PAK6: variants seen among roughly 807,000 people sequenced by gnomAD.
The protein encoded by PAK6 is serine/threonine-protein kinase PAK 6.
PAK6 carries 33 observed loss-of-function variants against 60.8 expected under a neutral mutation model. That is an observed-to-expected ratio of 0.54 (90% CI 0.41 to 0.73). PAK6 has a LOEUF of 0.73. Ranked by LOEUF, PAK6 falls within the 30% of genes least tolerant of loss-of-function variation. The pLI, the probability that PAK6 is intolerant of heterozygous loss-of-function variation, is 0.00. For missense variants in PAK6, 845 were observed against 904.1 expected, an observed-to-expected ratio of 0.93 and a Z score of 0.84; for synonymous variants, 404 against 378.5, an observed-to-expected ratio of 1.07 and a Z score of -0.78.
intron 3 of PAK6, chr15:40,263,652 T>C: frequency 3.4e-6 from 1 of 297,514 alleles, no homozygotes; most frequent in South Asian, 3.0e-5. Flanking sequence ...TCTCATTCTG[T>C]TGCCCAGGCT....
At chr15:40,241,248 A>G (rs2038321278) in intron 2 of PAK6, among the ~76,000 whole-genome samples, 1 of 152,132 alleles carries the variant, frequency 6.6e-6, no homozygotes, top group African/African-American at 2.4e-5. Context: ...TCGGGTTTAT[A>G]AAGCACTGGG....
At chr15:40,253,535 G>A (rs890058465) in intron 3 of PAK6, among the ~76,000 whole-genome samples, 5 of 152,250 alleles carry the variant, frequency 3.3e-5, no homozygotes, top group African/African-American at 1.2e-4. Context: ...CAAATGGCCC[G>A]CCCTGCCCCC....
exon 11 of PAK6, chr15:40,277,292 C>G (rs552017670): frequency 7.2e-5 from 11 of 152,566 alleles, no homozygotes; most frequent in Admixed American, 3.3e-4. Context: ...GAAAGAACTT[C>G]AGGTGTCTGG....
At chr15:40,264,946 T>G in exon 4 of PAK6, 1 of 1,613,686 alleles carries the variant, frequency 6.2e-7, no homozygotes. Context: ...AAGCCCGTGG[T>G]GGACCCTTCG....
rs748276269 is a variant in PAK6 at position 40,253,897 on chromosome 15, G to A, written c.-6+608G>A. Among the ~76,000 whole-genome samples the A allele has an allele frequency of 4.9e-4, 75 of 152,126 alleles. 1 individual carries two copies. The highest frequency in any genetic ancestry group is 1.9e-3 in the South Asian group (9 of 4,822). On this transcript the variant is annotated intron_variant, in intron 3 of 10. Coordinates refer to ENST00000560346, the Ensembl canonical transcript of PAK6. ...TGCCCCATTCTGGTGGTTTTTTGGG[G>A]GCTTTTCTGACTTGTTTTTCTGGGT...
At chr15:40,261,438 A>G (rs1476529197) in intron 3 of PAK6, among the ~76,000 whole-genome samples, 3 of 151,904 alleles carry the variant, frequency 2.0e-5, no homozygotes, top group East Asian at 3.9e-4. Context: ...TCAGTAGGCT[A>G]AGGCAGGAGA....
intron 5 of PAK6, among the ~76,000 whole-genome samples, chr15:40,269,821 G>A (rs1277041537): frequency 6.6e-6 from 1 of 152,212 alleles, no homozygotes. Context: ...ACCTGCAGCA[G>A]CAGCAGCAGC....
At position 40,273,613 on chromosome 15, in the gene PAK6, C is replaced by T. The variant is rs777929293; in HGVS notation, c.1680C>T (p.Ser560=). ...GCAAAGACGTCCCTAAGAGGAAGTC[C>T]CTGGTGGGAACCCCCTACTGGATGG... The change falls in exon 9 of 11, where the codon TCC becomes TCT. Residue 560 remains serine (S), a synonymous_variant. Transcript: ENST00000560346. 9 of 1,614,072 alleles carry T rather than the reference C, an allele frequency of 5.6e-6. No individual in the cohort carries two copies. The South Asian group carries it at 8.8e-5, about 16-fold the overall frequency.
intron 5 of PAK6, among the ~76,000 whole-genome samples, chr15:40,267,437 C>T (rs2039174767): frequency 6.6e-6 from 1 of 152,176 alleles, no homozygotes; most frequent in African/African-American, 2.4e-5. Context: ...GTGGATGGGT[C>T]ACGAGGTCAG....
intron 5 of PAK6, 26 bp downstream of exon 5, chr15:40,266,521 T>C: frequency 1.3e-6 from 2 of 1,567,536 alleles, no homozygotes; most frequent in Non-Finnish European, 1.7e-6. Context: ...GGCCTGCAGG[T>C]GTCCACTGGG....
intron 5 of PAK6, among the ~76,000 whole-genome samples, chr15:40,268,742 A>T (rs2039218938): frequency 1.3e-5 from 2 of 152,234 alleles, no homozygotes; most frequent in South Asian, 4.1e-4. Flanking sequence ...GGGGGCACAG[A>T]GACCAAAGAG....
At chr15:40,273,114 G>A (rs945418207) in intron 7 of PAK6, 115 bp downstream of exon 7, 4 of 1,375,066 alleles carry the variant, frequency 2.9e-6, no homozygotes, top group Non-Finnish European at 3.0e-6. Context: ...GGGCTCCCCT[G>A]CCTGCTGGGG....
Position 40,266,380 on chromosome 15 carries a change from G to C in PAK6, c.743G>C (p.Ser248Thr), listed in dbSNP as rs773532116. Residue 248 changes from serine to threonine, a missense_variant, in exon 5 of 11, where the codon AGC (serine) becomes ACC (threonine). Physicochemically the swap from Ser to Thr is moderately conservative, Grantham distance 58 (BLOSUM62 1). Coordinates refer to ENST00000560346, the Ensembl canonical transcript of PAK6. Reference sequence around the variant, plus strand: ...AGGCCAGGTGGGGAAGGCAGCCCTAGCCCTAAGACCCGGGAGAGCAGCCTG... The same window carrying C: ...AGGCCAGGTGGGGAAGGCAGCCCTACCCCTAAGACCCGGGAGAGCAGCCTG... The C allele has an allele frequency of 1.9e-6, 3 of 1,612,930 alleles. No individual in the cohort carries two copies. In the African/African-American group the frequency reaches 4.0e-5, roughly 22 times the overall value.
chr15:40,262,448 G>A (rs1379044616), intron 3 of PAK6, among the ~76,000 whole-genome samples: 1 of 152,198 alleles, frequency 6.6e-6, no homozygotes, highest in African/African-American at 2.4e-5. Context: ...AGGTTGCAGT[G>A]AGCCCAGATG....
At chr15:40,273,788 C>T (rs2039376043) in intron 9 of PAK6, 112 bp downstream of exon 9, 2 of 1,285,962 alleles carry the variant, frequency 1.6e-6, no homozygotes, top group Non-Finnish European at 2.2e-6. Flanking sequence ...TTTTCAGAGT[C>T]CCACCTAGTC....
intron 3 of PAK6, among the ~76,000 whole-genome samples, chr15:40,255,268 C>G (rs866552899): frequency 6.6e-6 from 1 of 152,188 alleles, no homozygotes; most frequent in Admixed American, 6.5e-5. Context: ...TTACTGTATT[C>G]TTTTAAACAG....
chr15:40,257,664 C>T (rs1191098095), intron 3 of PAK6, among the ~76,000 whole-genome samples: 1 of 152,214 alleles, frequency 6.6e-6, no homozygotes, highest in Non-Finnish European at 1.5e-5. Context: ...CATGCTCTGG[C>T]TTGAGGTTTA....
intron 2 of PAK6, among the ~76,000 whole-genome samples, chr15:40,248,685 G>A (rs181958001): frequency 4.0e-4 from 61 of 152,316 alleles, no homozygotes; most frequent in African/African-American, 1.3e-3. Context: ...TGCCATGTGG[G>A]GGTCCTCGCG....
At chr15:40,271,475 G>T (rs1332705768) in intron 5 of PAK6, among the ~76,000 whole-genome samples, 1 of 152,244 alleles carries the variant, frequency 6.6e-6, no homozygotes, top group East Asian at 1.9e-4. Flanking sequence ...TCCTTTAGGG[G>T]GTCCTTAAGA....
Sources: gnomAD v4.1 joint callset for allele counts (sites outside exome capture counted in the v4.1 genomes callset) on GRCh38, gnomAD v4.1.1 for gene constraint, MANE v1.5 for transcripts, NCBI Gene and HGNC (gene_info 2026-07-23, HGNC 2026-07-21) for gene names.